The following UCK2 variants were observed in gnomAD, a reference collection of about 807,000 sequenced individuals.
UCK2 encodes uridine-cytidine kinase 2, also known as cytidine monophosphokinase 2.
UCK2 carries 6 observed loss-of-function variants against 30.8 expected under a neutral mutation model. The observed-to-expected ratio is 0.19, with a 90% CI of 0.11 to 0.38. UCK2 has a LOEUF of 0.38. Ranked by LOEUF, UCK2 falls within the 10% of genes least tolerant of loss-of-function variation. UCK2 has a pLI of 1.00. For synonymous variants in UCK2, 125 were observed against 133.6 expected, an observed-to-expected ratio of 0.94 and a Z score of 0.45; for missense variants, 210 against 339.8, an observed-to-expected ratio of 0.62 and a Z score of 3.00.
In UCK2 at chr1:165,896,851, C is replaced by T. The variant is rs550748500; in HGVS notation, c.499+519C>T. Among the ~76,000 whole-genome samples, 5 of 152,292 alleles carry T rather than the reference C, an allele frequency of 3.3e-5. No homozygotes were observed. In the East Asian group the frequency reaches 7.7e-4, roughly 24 times the overall value. On this transcript the variant is annotated intron_variant, in intron 4 of 6. Transcript: ENST00000367879. ...GCTCAGGAGGGAAGTCAGCTGTGCC[C>T]TCCGCAGGCCCTACTAAGTGTGGGC...
At chr1:165,860,689 A>C (rs1250201304) in intron 1 of UCK2, among the ~76,000 whole-genome samples, 1 of 152,112 alleles carries the variant, frequency 6.6e-6, no homozygotes, top group East Asian at 1.9e-4. Flanking sequence ...AGCTCAAGTG[A>C]TTCATACGCC....
chr1:165,905,913 C>T lies in UCK2; in HGVS notation c.598-8C>T. The T allele has an allele frequency of 1.2e-6, 2 of 1,613,408 alleles. No individual in the cohort carries two copies. The highest frequency in any genetic ancestry group is 1.7e-6 in the Non-Finnish European group (2 of 1,179,386). ...GTATTAATGCATATTAACTGTCTTT[C>T]TCCACAGACAAAGAAGTATGCTGAT... On this transcript the variant is annotated splice_polypyrimidine_tract_variant and splice_region_variant and intron_variant, in intron 5 of 6. Transcript: ENST00000367879.
chr1:165,880,229 T>C (rs796493708), intron 1 of UCK2, among the ~76,000 whole-genome samples: 19 of 152,330 alleles, frequency 1.2e-4, no homozygotes, highest in African/African-American at 4.3e-4. Flanking sequence ...GTTTTGTGTC[T>C]CATACCCAGA....
chr1:165,869,665 T>TTA (rs1219170734), intron 1 of UCK2, among the ~76,000 whole-genome samples: 1 of 60,658 alleles, frequency 1.6e-5, no homozygotes, highest in Non-Finnish European at 3.2e-5. Context: ...GGGCCTTTTT[T>TTA]TTTTTTTTTT....
intron 1 of UCK2, among the ~76,000 whole-genome samples, chr1:165,883,490 A>G (rs1029567848): frequency 1.3e-4 from 20 of 152,182 alleles, no homozygotes; most frequent in African/African-American, 4.6e-4. Flanking sequence ...GGTGCCTGAG[A>G]ATAAAAACTT....
chr1:165,852,447 C>T (rs906759639), intron 1 of UCK2, among the ~76,000 whole-genome samples: 21 of 152,100 alleles, frequency 1.4e-4, no homozygotes, highest in African/African-American at 5.1e-4. Context: ...ATTTACGTGG[C>T]CAACAAACAT....
intron 1 of UCK2, 107 bp from the exon 2 acceptor site, chr1:165,890,097 A>G: frequency 7.8e-7 from 1 of 1,284,450 alleles, no homozygotes; most frequent in Non-Finnish European, 1.1e-6. Flanking sequence ...TCTTCCTTCC[A>G]GAGCCCCTTC....
chr1:165,848,369 C>A (rs149669335), intron 1 of UCK2, among the ~76,000 whole-genome samples: 1 of 152,130 alleles, frequency 6.6e-6, no homozygotes, highest in Admixed American at 6.5e-5. Flanking sequence ...TGGTGGCTTA[C>A]GCCTGTAATC....
intron 1 of UCK2, among the ~76,000 whole-genome samples, chr1:165,875,363 C>T (rs1274068754): frequency 6.6e-6 from 1 of 152,164 alleles, no homozygotes; most frequent in East Asian, 1.9e-4. Context: ...TCTCTGAAAC[C>T]ACATTTTTCC....
Position 165,895,243 on chromosome 1 carries a change from G to A in UCK2, c.357-947G>A, listed in dbSNP as rs6703425. On this transcript the variant is annotated intron_variant, in intron 3 of 6. Coordinates refer to ENST00000367879, the MANE Select transcript of UCK2 (RefSeq NM_012474.5). ...AGCCTGGGCAATATGGTAAAACCCC[G>A]TTTCTACCAAAAATACAAAAATTAG... Among the ~76,000 whole-genome samples the A allele has an allele frequency of 5.4e-3, 824 of 152,154 alleles. 10 individuals carry two copies. The highest frequency in any genetic ancestry group is 0.019 in the African/African-American group (779 of 41,512).
chr1:165,860,874 C>T (rs893525078), intron 1 of UCK2, among the ~76,000 whole-genome samples: 1 of 152,082 alleles, frequency 6.6e-6, no homozygotes, highest in African/African-American at 2.4e-5. Context: ...GCATGATTTG[C>T]CTAAAATACT....
chr1:165,874,545 A>G lies in UCK2; in HGVS notation c.100-15659A>G, dbSNP rs1049920216. On this transcript the variant is annotated intron_variant, in intron 1 of 6. Transcript: ENST00000367879. Reference sequence around the variant, plus strand: ...TCCCCTGCGTTAAAAGGGATAGGGCAGGGATTTGGATGTCTTTAATAGACA... The same window carrying G: ...TCCCCTGCGTTAAAAGGGATAGGGCGGGGATTTGGATGTCTTTAATAGACA... Among the ~76,000 whole-genome samples, 57 of 152,182 alleles carry G rather than the reference A, an allele frequency of 3.7e-4. 2 individuals are homozygous for G. The highest frequency in any genetic ancestry group is 1.3e-3 in the African/African-American group (54 of 41,454).
chr1:165,886,775 C>T (rs879774258), intron 1 of UCK2, among the ~76,000 whole-genome samples: 3 of 152,156 alleles, frequency 2.0e-5, no homozygotes, highest in Non-Finnish European at 4.4e-5. Context: ...GGGACTCCTC[C>T]TTCCCTCCCT....
intron 4 of UCK2, among the ~76,000 whole-genome samples, chr1:165,899,027 G>T (rs888769923): frequency 6.6e-6 from 1 of 152,202 alleles, no homozygotes; most frequent in African/African-American, 2.4e-5. Flanking sequence ...GAGTGCGGGG[G>T]TGCTGGGGTA....
intron 1 of UCK2, among the ~76,000 whole-genome samples, chr1:165,837,539 CT>C (rs1654226047): frequency 6.6e-6 from 1 of 152,186 alleles, no homozygotes; most frequent in African/African-American, 2.4e-5. Flanking sequence ...AGGTGTTGCT[CT>C]TTTGCTCTTT....
chr1:165,840,029 C>T (rs992304170), intron 1 of UCK2, among the ~76,000 whole-genome samples: 5 of 152,228 alleles, frequency 3.3e-5, no homozygotes, highest in African/African-American at 1.2e-4. Context: ...AGCAATTCTC[C>T]TGCCTCAGCC....
At chr1:165,830,346 A>G (rs1303341681) in intron 1 of UCK2, among the ~76,000 whole-genome samples, 1 of 136,730 alleles carries the variant, frequency 7.3e-6, no homozygotes, top group Admixed American at 7.8e-5. Flanking sequence ...TTTTTTTGAG[A>G]CAGAGTCTTG....
At chr1:165,863,924 G>A (rs1408840724) in intron 1 of UCK2, among the ~76,000 whole-genome samples, 1 of 152,158 alleles carries the variant, frequency 6.6e-6, no homozygotes, top group East Asian at 1.9e-4. Context: ...GTCACCTTAT[G>A]TGTTTTATAA....
intron 1 of UCK2, among the ~76,000 whole-genome samples, chr1:165,875,102 G>A (rs1655303871): frequency 2.0e-5 from 3 of 150,910 alleles, no homozygotes; most frequent in Admixed American, 2.0e-4. Flanking sequence ...ATGAAAATTT[G>A]GTGGATCTTA....
Sources: allele counts gnomAD v4.1 joint callset (sites outside exome capture counted in the v4.1 genomes callset), GRCh38; gene constraint gnomAD v4.1.1; transcripts MANE v1.5; gene names NCBI Gene and HGNC (gene_info 2026-07-23, HGNC 2026-07-21).